Variants in IQCH observed in about 807,000 individuals in gnomAD.
IQCH encodes the protein IQ domain-containing protein H.
A neutral mutation model predicts 117.0 loss-of-function variants in IQCH; 98 were observed. The ratio of observed to expected loss-of-function variants is 0.84; its 90% confidence interval spans 0.71 to 0.99. IQCH has a LOEUF of 0.99. Among genes scored for constraint, IQCH ranks in the 50% least tolerant of loss-of-function variants. IQCH has a pLI of 0.00. For synonymous variants in IQCH, 412 were observed against 448.2 expected (o/e 0.92, Z 1.02); for missense variants, 1,102 against 1,243.8 (o/e 0.89, Z 1.72).
At chr15:67,294,916 G>A (rs1187772575) in intron 4 of IQCH, among the ~76,000 whole-genome samples, 1 of 152,154 alleles carries the variant, frequency 6.6e-6, no homozygotes, top group Admixed American at 6.6e-5. Flanking sequence ...CTAACCAACT[G>A]CTCTGTGTTT....
chr15:67,272,917 CTTA>C (rs1489461546), intron 3 of IQCH, among the ~76,000 whole-genome samples: 1 of 152,126 alleles, frequency 6.6e-6, no homozygotes, highest in Non-Finnish European at 1.5e-5. Flanking sequence ...TACATTCAGT[CTTA>C]TTATTGCTGA....
In IQCH at chr15:67,388,780, A is replaced by C. The variant is rs1325908360; in HGVS notation, c.1457-51A>C. ...ACACCAATCGGATGCCAGAGTTCAT[A>C]ATGTCATTTACCTTCACACCAGTAA... On this transcript the variant is annotated intron_variant, in intron 11 of 20. Transcript: ENST00000335894. This position sits in a 1 kb window ranked among gnomAD's most constrained non-coding sequence, Gnocchi z 5.5. The C allele has an allele frequency of 6.8e-7, 1 of 1,465,304 alleles. No homozygotes were observed. The highest frequency in any genetic ancestry group is 1.2e-5 in the South Asian group (1 of 85,944). 90.8% of individuals were successfully genotyped at this position (1,465,304 alleles called of 1,614,324 possible).
chr15:67,482,279 A>G (rs1313039884), intron 18 of IQCH, among the ~76,000 whole-genome samples: 1 of 152,188 alleles, frequency 6.6e-6, no homozygotes, highest in Non-Finnish European at 1.5e-5. Flanking sequence ...CAGAATTACT[A>G]CAAAGCCCTG....
At chr15:67,296,218 T>C (rs1168532126) in intron 4 of IQCH, among the ~76,000 whole-genome samples, 1 of 152,190 alleles carries the variant, frequency 6.6e-6, no homozygotes, top group Non-Finnish European at 1.5e-5. Context: ...AGATAGAGGT[T>C]GGAGGAGACC....
At chr15:67,409,620 G>A (rs1306160536) in intron 14 of IQCH, among the ~76,000 whole-genome samples, 5 of 152,182 alleles carry the variant, frequency 3.3e-5, no homozygotes, top group Non-Finnish European at 7.3e-5. Flanking sequence ...CATAAGTATG[G>A]AATTATATAC....
At chr15:67,333,392 T>A (rs893632334) in intron 4 of IQCH, among the ~76,000 whole-genome samples, 3 of 152,236 alleles carry the variant, frequency 2.0e-5, no homozygotes, top group African/African-American at 7.2e-5. Flanking sequence ...AGAGAAATCT[T>A]GTGGTAAAGA....
At chr15:67,273,634 G>A (rs1396850730) in intron 3 of IQCH, among the ~76,000 whole-genome samples, 4 of 152,100 alleles carry the variant, frequency 2.6e-5, no homozygotes, top group Non-Finnish European at 4.4e-5. Flanking sequence ...CTTTTAACAG[G>A]TTGCTGTAGC....
intron 3 of IQCH, among the ~76,000 whole-genome samples, chr15:67,267,836 T>G (rs983825289): frequency 6.6e-6 from 1 of 152,210 alleles, no homozygotes; most frequent in African/African-American, 2.4e-5. Flanking sequence ...CTATCCCTGG[T>G]CACACCTTTA....
chr15:67,301,406 T>TG (rs1443594522), intron 4 of IQCH, among the ~76,000 whole-genome samples: 2 of 111,982 alleles, frequency 1.8e-5, no homozygotes, highest in East Asian at 4.7e-4. Flanking sequence ...GTTAAGTTTT[T>TG]TTTTTTTTTT....
chr15:67,499,428 G>T (rs1426517610), intron 20 of IQCH, among the ~76,000 whole-genome samples: 1 of 151,546 alleles, frequency 6.6e-6, no homozygotes, highest in Non-Finnish European at 1.5e-5. Context: ...TAATAAGATG[G>T]CTACAGTTAA....
At chr15:67,428,765 C>T (rs1311075285) in intron 16 of IQCH, among the ~76,000 whole-genome samples, 2 of 151,216 alleles carry the variant, frequency 1.3e-5, no homozygotes, top group Non-Finnish European at 2.9e-5. Flanking sequence ...AGGAGAATCG[C>T]TTGAACCCGG....
In IQCH at chr15:67,386,589, C is replaced by A. The variant is rs180872175; in HGVS notation, c.1456+1570C>A. On this transcript the variant is annotated intron_variant, in intron 11 of 20. Coordinates refer to ENST00000335894, the MANE Select transcript of IQCH (RefSeq NM_001031715.3). The surrounding 1 kb of genome is among the most constrained non-coding windows in gnomAD (Gnocchi z 5.0). ...ATTTTATGGAAGAATACATTATTAT[C>A]CCCTATGGTTTTTCTTCTTATTCGG... is the stretch of plus-strand genomic sequence containing the variant. 2.0e-3 allele frequency among the ~76,000 whole-genome samples: 309 copies of A among 152,156 alleles called. 1 individual carries two copies. The highest frequency in any genetic ancestry group is 7.3e-3 in the African/African-American group (302 of 41,524).
At chr15:67,470,616 T>C (rs1013045086) in intron 17 of IQCH, among the ~76,000 whole-genome samples, 1 of 152,232 alleles carries the variant, frequency 6.6e-6, no homozygotes, top group African/African-American at 2.4e-5. Context: ...GACTATGTTT[T>C]TTAAAAAATA....
chr15:67,390,420 A>G lies in IQCH; in HGVS notation c.1632+1414A>G, dbSNP rs988837431. 1.3e-5 allele frequency among the ~76,000 whole-genome samples: 2 copies of G among 152,206 alleles called. No individual in the cohort carries two copies. Among genetic ancestry groups the G allele is most frequent in the African/African-American group, 4.8e-5 (2 of 41,448 alleles). On this transcript the variant is annotated intron_variant, in intron 12 of 20. Coordinates refer to ENST00000335894, the MANE Select transcript of IQCH (RefSeq NM_001031715.3). The surrounding 1 kb of genome is among the most constrained non-coding windows in gnomAD (Gnocchi z 5.0). ...TACATTAAAGAGGCATAGAATGGGG[A>G]AGGGGCACTAGATTGGGGAGAAAAA...
chr15:67,483,940 G>T (rs2083404793), intron 18 of IQCH, among the ~76,000 whole-genome samples: 1 of 152,166 alleles, frequency 6.6e-6, no homozygotes, highest in Admixed American at 6.5e-5. Context: ...CATAATCTTA[G>T]GAGTTCATGT....
In IQCH at chr15:67,391,697, A is replaced by G. The variant is rs1971290064; in HGVS notation, c.1632+2691A>G. On this transcript the variant is annotated intron_variant, in intron 12 of 20. Coordinates refer to ENST00000335894, the MANE Select transcript of IQCH (RefSeq NM_001031715.3). This position sits in a 1 kb window ranked among gnomAD's most constrained non-coding sequence, Gnocchi z 4.3. Reference sequence around the variant, plus strand: ...CCACTGCCTGGATCTGATGATACTGATGTTCTCCAAATGGTCATACAAGAC... The same window carrying G: ...CCACTGCCTGGATCTGATGATACTGGTGTTCTCCAAATGGTCATACAAGAC... Among the ~76,000 whole-genome samples, 1 of 152,112 alleles carries G rather than the reference A, an allele frequency of 6.6e-6. No homozygotes were observed. The highest frequency in any genetic ancestry group is 2.4e-5 in the African/African-American group (1 of 41,426).
chr15:67,431,689 T>G lies in IQCH; in HGVS notation c.2505+10112T>G, dbSNP rs1259470750. Among the ~76,000 whole-genome samples the G allele has an allele frequency of 1.3e-5, 2 of 152,178 alleles. No homozygotes were observed. The highest frequency in any genetic ancestry group is 2.9e-5 in the Non-Finnish European group (2 of 68,034). On this transcript the variant is annotated intron_variant, in intron 16 of 20. Coordinates refer to ENST00000335894, the MANE Select transcript of IQCH (RefSeq NM_001031715.3). The surrounding 1 kb of genome is among the most constrained non-coding windows in gnomAD (Gnocchi z 4.8). Reference sequence around the variant, plus strand: ...TATTTCACAGGAAATTGAATAGATATAAGGTTCATTAATTATCATAGAATT... The same window carrying G: ...TATTTCACAGGAAATTGAATAGATAGAAGGTTCATTAATTATCATAGAATT...
In IQCH at chr15:67,486,894, C is replaced by T. The variant is rs2083496912; in HGVS notation, c.2800-3109C>T. Reference sequence around the variant, plus strand: ...AAGCTATGACACATCTCAATTTGTACCACTAGCATTTCAACTTCTCAGTTG... The same window carrying T: ...AAGCTATGACACATCTCAATTTGTATCACTAGCATTTCAACTTCTCAGTTG... On this transcript the variant is annotated intron_variant, in intron 18 of 20. Coordinates refer to ENST00000335894, the MANE Select transcript of IQCH (RefSeq NM_001031715.3). Among the ~76,000 whole-genome samples the T allele has an allele frequency of 2.0e-5, 3 of 152,160 alleles. No homozygotes were observed. In the South Asian group the frequency reaches 6.2e-4, roughly 32 times the overall value.
chr15:67,498,015 A>C (rs1168352495), intron 20 of IQCH, among the ~76,000 whole-genome samples: 2 of 152,202 alleles, frequency 1.3e-5, no homozygotes, highest in Admixed American at 1.3e-4. Context: ...TGATCCTAAA[A>C]TTCATGTGGA....
Sources: allele counts gnomAD v4.1 joint callset (sites outside exome capture counted in the v4.1 genomes callset), GRCh38; gene constraint gnomAD v4.1.1; non-coding constraint Gnocchi (gnomAD v3.1); transcripts MANE v1.5; gene names NCBI Gene and HGNC (gene_info 2026-07-23, HGNC 2026-07-21).